The following ABCA4 variants were observed in gnomAD, a reference collection of about 807,000 sequenced individuals.
ABCA4 encodes the protein ATP binding cassette subfamily A member 4.
ABCA4 carries 196 observed loss-of-function variants against 263.7 expected under a neutral mutation model. The ratio of observed to expected loss-of-function variants is 0.74; its 90% CI spans 0.66 to 0.84. ABCA4 has a LOEUF of 0.84. ABCA4 is among the 40% of genes least tolerant of loss of function. ABCA4 has a pLI of 0.00. For synonymous variants in ABCA4, 1,133 were observed against 1,094.2 expected, an observed-to-expected ratio of 1.04 and a Z score of -0.70; for missense variants, 2,792 against 2,855.1, an observed-to-expected ratio of 0.98 and a Z score of 0.50.
intron 6 of ABCA4, among the ~76,000 whole-genome samples, chr1:94,094,497 C>G (rs1368503684): frequency 2.6e-5 from 4 of 152,240 alleles, no homozygotes; most frequent in African/African-American, 4.8e-5. Context: ...TGAATCATGC[C>G]ACACTGGAAG....
chr1:93,998,704 T>TTTTA (rs1350814743), intron 47 of ABCA4, among the ~76,000 whole-genome samples: 128 of 147,460 alleles, frequency 8.7e-4, no homozygotes, highest in Middle Eastern at 3.4e-3. Flanking sequence ...GTTTTATTTA[T>TTTTA]TTTATTTTAT....
At chr1:94,118,533 A>C (rs1457000330) in intron 1 of ABCA4, among the ~76,000 whole-genome samples, 1 of 152,180 alleles carries the variant, frequency 6.6e-6, no homozygotes, top group East Asian at 1.9e-4. Context: ...TCCCTCTCAG[A>C]GCTACTGAAT....
At chr1:94,021,584 A>C (rs1659898828) in intron 34 of ABCA4, 56 bp downstream of exon 34, 2 of 1,541,126 alleles carry the variant, frequency 1.3e-6, no homozygotes, top group South Asian at 2.3e-5. Flanking sequence ...TAAAAATAAA[A>C]TAACCAGCTC....
chr1:94,001,130 G>T, intron 45 of ABCA4, 25 bp from the exon 46 acceptor site: 1 of 1,585,842 alleles, frequency 6.3e-7, no homozygotes, highest in Non-Finnish European at 8.6e-7. Context: ...GAAGGTTGGG[G>T]GCACAGGCTG....
chr1:94,097,704 A>C (rs1300601159), intron 6 of ABCA4, among the ~76,000 whole-genome samples: 1 of 152,076 alleles, frequency 6.6e-6, no homozygotes, highest in East Asian at 1.9e-4. Flanking sequence ...GGGATTTAGC[A>C]CTTGCATCTT....
At chr1:94,033,688 G>A (rs1468176525) in intron 26 of ABCA4, among the ~76,000 whole-genome samples, 1 of 152,136 alleles carries the variant, frequency 6.6e-6, no homozygotes, top group Non-Finnish European at 1.5e-5. Flanking sequence ...AAGGGAATTG[G>A]ATCAGCTCAG....
intron 18 of ABCA4, among the ~76,000 whole-genome samples, chr1:94,048,137 G>GC (rs893172399): frequency 2.6e-5 from 4 of 152,196 alleles, no homozygotes; most frequent in Non-Finnish European, 5.9e-5. Context: ...TTATGAAATG[G>GC]CCCCTGGGGT....
In ABCA4 at chr1:94,000,804, G is replaced by A. The variant is rs767717408; in HGVS notation, c.6479+32C>T. ...CAGGATCCAGGTGGATCCACAGAAG[G>A]CAACAAGGGGCACGCCCCACCATCT... On this transcript the variant is annotated intron_variant, in intron 47 of 49. Coordinates refer to ENST00000370225, the MANE Select transcript of ABCA4 (RefSeq NM_000350.3). 6 of 1,604,110 alleles carry A rather than the reference G, an allele frequency of 3.7e-6. No homozygotes were observed. In the East Asian group the frequency reaches 1.3e-4, roughly 36 times the overall value.
intron 45 of ABCA4, chr1:94,001,479 G>A (rs529495635): frequency 1.3e-5 from 7 of 520,968 alleles, no homozygotes; most frequent in South Asian, 8.8e-5. Context: ...CTTGGGCTGC[G>A]TGGGCATGGC....
rs747686223 is a variant in ABCA4, at chr1:94,083,384, T to C, written c.826A>G (p.Ile276Val). 25 of 1,613,566 alleles carry C rather than the reference T, an allele frequency of 1.5e-5. No individual in the cohort carries two copies. The African/African-American group carries it at 2.9e-4, about 19-fold the overall frequency. Reference sequence around the variant, plus strand: ...ATTCTTGGTGACATATCAGATAATATTCCTCCCCAAGATCTCAGATTGATA... The same window carrying C: ...ATTCTTGGTGACATATCAGATAATACTCCTCCCCAAGATCTCAGATTGATA... ...QGINLRSWGG[I>V]LSDMSPRIQE... Residue 276 changes from isoleucine to valine, a missense_variant, in exon 7 of 50, where the codon ATA (isoleucine) becomes GTA (valine). Physicochemically the swap from Ile to Val is conservative, Grantham distance 29. Transcript: ENST00000370225.
chr1:94,102,960 C>T, intron 5 of ABCA4, 55 bp downstream of exon 5: 1 of 1,612,822 alleles, frequency 6.2e-7, no homozygotes, highest in Non-Finnish European at 8.5e-7. Flanking sequence ...TTGCCTTTCT[C>T]AGGCTGGGTG....
rs1659355431 is a variant in ABCA4 at position 94,005,531 on chromosome 1, C to G, written c.6057G>C (p.Gln2019His). ...TGAGCAGCTCATCAATTGCATCAAACTGAGGACAGTAGCCCATATTTTGAT... is the reference window on the plus strand; with the variant it reads ...TGAGCAGCTCATCAATTGCATCAAAGTGAGGACAGTAGCCCATATTTTGAT... ...EVHQNMGYCP[Q>H]FDAIDELLTG... The change falls in exon 44 of 50, where the codon CAG (glutamine) becomes CAC (histidine). Residue 2019 changes from glutamine to histidine, a missense_variant. Transcript: ENST00000370225. 1 of 1,614,088 alleles carries G rather than the reference C, an allele frequency of 6.2e-7. No homozygotes were observed. The highest frequency in any genetic ancestry group is 8.5e-7 in the Non-Finnish European group (1 of 1,179,988).
intron 4 of ABCA4, among the ~76,000 whole-genome samples, chr1:94,107,643 A>G (rs1279036992): frequency 6.6e-6 from 1 of 152,062 alleles, no homozygotes; most frequent in Non-Finnish European, 1.5e-5. Flanking sequence ...AGCTCCTGCC[A>G]TCTTCCTGCA....
chr1:94,042,260 G>A (rs1050954502), intron 22 of ABCA4, among the ~76,000 whole-genome samples: 1 of 152,264 alleles, frequency 6.6e-6, no homozygotes. Flanking sequence ...TTACCTCTAT[G>A]GGCACTCAGC....
chr1:94,111,559 T>G lies in ABCA4; in HGVS notation c.181A>C (p.Met61Leu), dbSNP rs1394943055. ...CACGGCAGCATTCCTGCTGAGGGCA[T>G]CGCCTTGTTGGGGAAATGGCCTTTA... The part of the protein sequence containing the change: ...HHECHFPNKA[M>L]PSAGMLPWLQ... The change falls in exon 3 of 50, where the codon ATG becomes CTG. Residue 61 changes from methionine to leucine, a missense_variant. Coordinates refer to ENST00000370225, the MANE Select transcript of ABCA4 (RefSeq NM_000350.3). 3 of 1,614,100 alleles carry G rather than the reference T, an allele frequency of 1.9e-6. No individual in the cohort carries two copies. The highest frequency in any genetic ancestry group is 2.2e-5 in the East Asian group (1 of 44,888).
At chr1:94,002,558 G>A (rs879516328) in intron 44 of ABCA4, among the ~76,000 whole-genome samples, 2 of 152,336 alleles carry the variant, frequency 1.3e-5, no homozygotes, top group Admixed American at 6.5e-5. Context: ...GTGAGGGAAC[G>A]ATGACAGAGA....
intron 49 of ABCA4, among the ~76,000 whole-genome samples, chr1:93,994,459 T>G (rs1328939591): frequency 1.3e-5 from 2 of 152,220 alleles, no homozygotes; most frequent in Non-Finnish European, 2.9e-5. Flanking sequence ...GTTCTCACAT[T>G]TGCTTAGGAG....
At chr1:94,024,898 A>G (rs1659993964) in intron 31 of ABCA4, 56 bp downstream of exon 31, 20 of 1,385,202 alleles carry the variant, frequency 1.4e-5, no homozygotes, top group Non-Finnish European at 2.1e-5. Context: ...TTCTGTCCCT[A>G]GTTAATATCT....
At chr1:94,008,625 C>A in intron 41 of ABCA4, 126 bp downstream of exon 41, 2 of 1,282,134 alleles carry the variant, frequency 1.6e-6, no homozygotes, top group Non-Finnish European at 2.3e-6. Flanking sequence ...GGGATGATGA[C>A]CCTACATAAA....
Sources: allele counts gnomAD v4.1 joint callset (sites outside exome capture counted in the v4.1 genomes callset), GRCh38; gene constraint gnomAD v4.1.1; transcripts MANE v1.5; gene names NCBI Gene and HGNC (gene_info 2026-07-23, HGNC 2026-07-21).